SYNE1: variants seen among roughly 807,000 people sequenced by gnomAD.
The protein encoded by SYNE1 is nesprin-1.
A neutral mutation model predicts 1,111.0 loss-of-function variants in SYNE1; 616 were observed. The observed-to-expected ratio is 0.55, with a 90% CI of 0.52 to 0.59. The LOEUF is 0.59. SYNE1 is among the 20% of genes least tolerant of loss of function. The probability of loss-of-function intolerance (pLI) is 0.00; values close to 1 mark genes in which losing one functional copy is unlikely to be tolerated. For synonymous variants in SYNE1, 3,855 were observed against 3,825.8 expected (o/e 1.01, Z -0.28); for missense variants, 10,006 against 10,417.0 (o/e 0.96, Z 1.72).
intron 105 of SYNE1, among the ~76,000 whole-genome samples, chr6:152,245,522 A>G (rs577938119): frequency 7.2e-4 from 110 of 152,314 alleles, no homozygotes; most frequent in African/African-American, 2.5e-3. Context: ...CTACAGTCAG[A>G]GTGAGTATTT....
In SYNE1 at chr6:152,152,111, T is replaced by A. The variant is rs758695645; in HGVS notation, c.24160A>T (p.Thr8054Ser). The A allele has an allele frequency of 4.9e-5, 79 of 1,614,172 alleles. No homozygotes were observed. The highest frequency in any genetic ancestry group is 6.4e-5 in the Non-Finnish European group (76 of 1,180,026). The change falls in exon 134 of 146, where the codon ACG (threonine) becomes TCG (serine). Residue 8054 changes from threonine to serine, a missense_variant. Physicochemically the swap from Thr to Ser is moderately conservative, Grantham distance 58. Coordinates refer to ENST00000367255, the MANE Select transcript of SYNE1 (RefSeq NM_182961.4). ...AFQRQVHECL[T>S]QLELINKQYR... ...TGCTTGTTGATCAGTTCCAGCTGCGTCAGGCACTCGTGGACCTGTCGCTGG... is the reference window on the plus strand; with the variant it reads ...TGCTTGTTGATCAGTTCCAGCTGCGACAGGCACTCGTGGACCTGTCGCTGG...
chr6:152,229,557 T>G (rs143196283), intron 115 of SYNE1, among the ~76,000 whole-genome samples: 7 of 152,260 alleles, frequency 4.6e-5, no homozygotes, highest in African/African-American at 1.7e-4. Flanking sequence ...TAATAGGAAT[T>G]CCACTGTGAA....
intron 95 of SYNE1, among the ~76,000 whole-genome samples, chr6:152,289,654 T>G (rs1437290929): frequency 6.6e-6 from 1 of 152,058 alleles, no homozygotes; most frequent in Non-Finnish European, 1.5e-5. Flanking sequence ...TGAGACGGAG[T>G]CTCGCTCTGT....
rs1590222634 is a variant in SYNE1 at position 152,330,779 on chromosome 6, C to T, written c.13906G>A (p.Val4636Ile). The T allele has an allele frequency of 3.1e-6, 5 of 1,613,824 alleles. No individual in the cohort carries two copies. The East Asian group carries it at 6.7e-5, about 22-fold the overall frequency. ...GQTILPSLNE[V>I]DHSYLSEKLN... ...TTTTCACTGAGGTAGGAATGATCGA[C>T]TTCATTCAGCGATGGTAATATGGTC... Residue 4636 changes from valine (V) to isoleucine (I), a missense_variant, in exon 78 of 146, where the codon GTC becomes ATC. This residue lies in a region of SYNE1 where 4,955 missense variants were observed against 5,017.2 expected (regional missense o/e 0.99). Coordinates refer to ENST00000367255, the MANE Select transcript of SYNE1 (RefSeq NM_182961.4).
intron 16 of SYNE1, among the ~76,000 whole-genome samples, chr6:152,470,288 G>A (rs932543776): frequency 1.3e-5 from 2 of 152,144 alleles, no homozygotes; most frequent in Admixed American, 6.5e-5. Context: ...GTTTAAATCT[G>A]ATTGGCTGTT....
Position 152,395,623 on chromosome 6 carries a change from T to G in SYNE1, c.7605A>C (p.Glu2535Asp). Residue 2535 changes from glutamate to aspartate, a missense_variant, in exon 51 of 146, where the codon GAA becomes GAC. Physicochemically the swap from Glu to Asp is conservative, Grantham distance 45. Transcript: ENST00000367255. ...RKLNLWIHEMEERFNTENLGE... is the reference protein window; with the variant it reads ...RKLNLWIHEMDERFNTENLGE... ...CCAAGTTTTCCGTATTGAACCTTTC[T>G]TCCATTTCATGGATCCATAAGTTCA... 6.2e-7 allele frequency: 1 copy of G among 1,614,184 alleles called. No homozygotes were observed. The highest frequency in any genetic ancestry group is 1.3e-5 in the African/African-American group (1 of 75,066).
chr6:152,242,140 T>C (rs1743523315), intron 107 of SYNE1, 100 bp downstream of exon 107: 3 of 1,205,082 alleles, frequency 2.5e-6, no homozygotes, highest in African/African-American at 1.5e-5. Context: ...TAAGAACTCA[T>C]AAAAGACTGA....
At position 152,149,485 on chromosome 6, in the gene SYNE1, G is replaced by A. The variant is rs139885317; in HGVS notation, c.24634C>T (p.Arg8212Cys). ...AAATCAATGTTACATACAGGCAGGC[G>A]GATCAGTTTCTTATGGTATCTTTCC... is the stretch of plus-strand genomic sequence containing the variant. ...RVERYHKKLI[R>C]LPLPDDEHDL... The change falls in exon 136 of 146, where the codon CGC (arginine) becomes TGC (cysteine). Residue 8212 changes from arginine to cysteine, a missense_variant. By Grantham distance (180) the Arg-to-Cys change is radical. Coordinates refer to ENST00000367255, the MANE Select transcript of SYNE1 (RefSeq NM_182961.4). 72 of 1,614,132 alleles carry A rather than the reference G, an allele frequency of 4.5e-5. No homozygotes were observed. Among genetic ancestry groups the A allele is most frequent in the South Asian group, 3.5e-4 (32 of 91,080 alleles).
chr6:152,475,774 A>G (rs564260486), intron 14 of SYNE1, among the ~76,000 whole-genome samples: 91 of 152,372 alleles, frequency 6.0e-4, no homozygotes, highest in African/African-American at 2.0e-3. Context: ...TGTTGGGTAA[A>G]GAAGGGAAAG....
intron 3 of SYNE1, among the ~76,000 whole-genome samples, chr6:152,627,741 C>A (rs556469884): frequency 6.6e-6 from 1 of 152,120 alleles, no homozygotes; most frequent in Non-Finnish European, 1.5e-5. Context: ...CTAGTCTGTA[C>A]CCTGCCACGA....
chr6:152,215,813 G>A (rs1027347987), intron 121 of SYNE1, among the ~76,000 whole-genome samples: 1 of 152,178 alleles, frequency 6.6e-6, no homozygotes, highest in Non-Finnish European at 1.5e-5. Flanking sequence ...ATTGCTCCAG[G>A]CCAGCCAGCT....
intron 104 of SYNE1, among the ~76,000 whole-genome samples, chr6:152,251,124 T>C (rs2089097006): frequency 6.6e-6 from 1 of 152,014 alleles, no homozygotes; most frequent in African/African-American, 2.4e-5. Context: ...TAATTTTTTG[T>C]ATTTTTAGTA....
At position 152,171,555 on chromosome 6, in the gene SYNE1, A is replaced by T. The variant is rs560063036; in HGVS notation, c.23627+4839T>A. 7.9e-5 allele frequency among the ~76,000 whole-genome samples: 12 copies of T among 152,312 alleles called. No homozygotes were observed. The South Asian group carries it at 2.3e-3, about 29-fold the overall frequency. On this transcript the variant is annotated intron_variant, in intron 130 of 145. Coordinates refer to ENST00000367255, the MANE Select transcript of SYNE1 (RefSeq NM_182961.4). ...GGAGAAGCCTACTGAGCCCGTAAGA[A>T]GAATCTGATCTAATCTGGAGAGAAG... is the stretch of plus-strand genomic sequence containing the variant.
intron 140 of SYNE1, among the ~76,000 whole-genome samples, chr6:152,137,742 T>C (rs1481277151): frequency 6.6e-6 from 1 of 152,202 alleles, no homozygotes; most frequent in Non-Finnish European, 1.5e-5. Flanking sequence ...TCTGTCTTGA[T>C]TTTGCACTTT....
chr6:152,350,382 T>C, intron 71 of SYNE1, 47 bp from the exon 72 acceptor site: 1 of 1,612,700 alleles, frequency 6.2e-7, no homozygotes, highest in South Asian at 1.1e-5. Flanking sequence ...GTGAAAAACC[T>C]ACTCAAAACT....
intron 88 of SYNE1, 57 bp from the exon 89 acceptor site, chr6:152,310,575 A>G (rs2095516683): frequency 9.9e-6 from 16 of 1,612,934 alleles, no homozygotes; most frequent in South Asian, 2.2e-5. Context: ...GGGGAAGAAT[A>G]ACATCACAGT....
chr6:152,505,163 T>C, intron 9 of SYNE1, 38 bp downstream of exon 9: 1 of 1,607,712 alleles, frequency 6.2e-7, no homozygotes, highest in Non-Finnish European at 8.5e-7. Flanking sequence ...AAACCCTCCG[T>C]GTTAAGGTAT....
chr6:152,268,802 A>T (rs778982091), intron 99 of SYNE1, among the ~76,000 whole-genome samples: 11 of 152,206 alleles, frequency 7.2e-5, no homozygotes, highest in Non-Finnish European at 1.6e-4. Flanking sequence ...TGCAACTTAC[A>T]CTTTCACCAA....
chr6:152,238,730 G>A (rs1331916396), intron 108 of SYNE1, among the ~76,000 whole-genome samples: 2 of 152,096 alleles, frequency 1.3e-5, no homozygotes, highest in Non-Finnish European at 2.9e-5. Context: ...AGCAGGAACA[G>A]TTTAGGGCAA....
Sources: gnomAD v4.1 joint callset for allele counts (sites outside exome capture counted in the v4.1 genomes callset) on GRCh38, gnomAD v4.1.1 for gene constraint, gnomAD v4.1.1 regional missense constraint, MANE v1.5 for transcripts, NCBI Gene and HGNC (gene_info 2026-07-23, HGNC 2026-07-21) for gene names.